LTBP1: variants seen among roughly 807,000 people sequenced by gnomAD.
LTBP1 encodes the protein latent-transforming growth factor beta-binding protein 1.
LTBP1 carries 129 observed loss-of-function variants against 207.6 expected under a neutral mutation model. That is an observed-to-expected ratio of 0.62 (90% CI 0.54 to 0.72). The LOEUF is 0.72. LTBP1 is among the 30% of genes least tolerant of loss of function. LTBP1 has a pLI of 0.00. For synonymous variants in LTBP1, 963 were observed against 833.7 expected (o/e 1.16, Z -2.67); for missense variants, 2,281 against 2,217.2 (o/e 1.03, Z -0.58).
chr2:33,225,474 G>A (rs1004268800), intron 9 of LTBP1, among the ~76,000 whole-genome samples: 1 of 152,208 alleles, frequency 6.6e-6, no homozygotes, highest in East Asian at 1.9e-4. Flanking sequence ...GGAGGATCAA[G>A]TCACATCTTA....
intron 2 of LTBP1, among the ~76,000 whole-genome samples, chr2:32,995,063 AGT>A (rs1465478185): frequency 6.6e-6 from 1 of 152,074 alleles, no homozygotes; most frequent in African/African-American, 2.4e-5. Context: ...ACGTGCCTGT[AGT>A]CTCAGCTGCT....
In LTBP1 at chr2:33,104,422, C is replaced by T. The variant is rs990937582; in HGVS notation, c.864-6160C>T. Among the ~76,000 whole-genome samples the T allele has an allele frequency of 5.9e-4, 90 of 152,296 alleles. 1 individual carries two copies. The highest frequency in any genetic ancestry group is 2.1e-3 in the African/African-American group (86 of 41,570). On this transcript the variant is annotated intron_variant, in intron 3 of 33. Transcript: ENST00000404816. ...TTGGCTCCTACCATTCCTAACACCA[C>T]GCTATTGATTTCTCTGGCCCTTGTT...
intron 2 of LTBP1, among the ~76,000 whole-genome samples, chr2:32,973,701 T>G (rs2148620127): frequency 6.6e-6 from 1 of 152,262 alleles, no homozygotes; most frequent in Admixed American, 6.5e-5. Flanking sequence ...TCTTTCTATT[T>G]TTTTTGTACC....
At chr2:33,276,012 C>T in intron 18 of LTBP1, 89 bp downstream of exon 18, 2 of 1,438,694 alleles carry the variant, frequency 1.4e-6, no homozygotes, top group Non-Finnish European at 1.8e-6. Context: ...TTCCCACACT[C>T]AGTGCGTGAC....
chr2:33,258,953 C>T (rs2092937813), intron 12 of LTBP1, among the ~76,000 whole-genome samples: 1 of 152,236 alleles, frequency 6.6e-6, no homozygotes, highest in African/African-American at 2.4e-5. Context: ...CCAACACCCT[C>T]ACAATAACGT....
intron 32 of LTBP1, 66 bp downstream of exon 32, chr2:33,389,372 A>G (rs2095295850): frequency 4.4e-6 from 7 of 1,595,052 alleles, no homozygotes; most frequent in African/African-American, 1.3e-5. Flanking sequence ...TGGTCCTCAA[A>G]ATGTAATGGC....
At chr2:33,387,898 G>A (rs1054639999) in intron 31 of LTBP1, among the ~76,000 whole-genome samples, 9 of 152,180 alleles carry the variant, frequency 5.9e-5, no homozygotes, top group Non-Finnish European at 1.3e-4. Flanking sequence ...CCATTGCCTT[G>A]TGTGACTGCC....
chr2:33,240,153 C>A (rs1489782007), intron 9 of LTBP1, among the ~76,000 whole-genome samples: 1 of 152,156 alleles, frequency 6.6e-6, no homozygotes, highest in Non-Finnish European at 1.5e-5. Flanking sequence ...TTACCATTCA[C>A]CCATCATGTT....
intron 24 of LTBP1, chr2:33,317,569 C>G (rs1415491010): frequency 6.6e-6 from 1 of 152,190 alleles, no homozygotes; most frequent in Non-Finnish European, 1.5e-5. Flanking sequence ...CTCATGTGAT[C>G]AGTATTCAGC....
intron 3 of LTBP1, among the ~76,000 whole-genome samples, chr2:33,049,345 G>T (rs2149485806): frequency 6.6e-6 from 1 of 152,362 alleles, no homozygotes; most frequent in African/African-American, 2.4e-5. Flanking sequence ...AAAAGCTTTT[G>T]AGTAGTTAGT....
In LTBP1 at chr2:33,154,639, G is replaced by A. The variant is rs202013441; in HGVS notation, c.1201+19679G>A. Among the ~76,000 whole-genome samples the A allele has an allele frequency of 2.0e-5, 3 of 152,216 alleles. No homozygotes were observed. The East Asian group carries it at 5.8e-4, about 29-fold the overall frequency. On this transcript the variant is annotated intron_variant, in intron 5 of 33. Transcript: ENST00000404816. ...CTACTTTTGCTGTTATCATCCAAGC[G>A]ACAGTGAATAATGAAAGTCTTAGTA...
chr2:33,056,282 T>G, intron 3 of LTBP1: 1 of 628,068 alleles, frequency 1.6e-6, no homozygotes, highest in East Asian at 3.3e-5. Flanking sequence ...CCTGAGTGTT[T>G]CCCATCTGAA....
intron 31 of LTBP1, among the ~76,000 whole-genome samples, chr2:33,377,584 T>C (rs1185506077): frequency 3.9e-5 from 6 of 152,362 alleles, no homozygotes; most frequent in African/African-American, 1.4e-4. Context: ...ATTATGATAA[T>C]AATCTTACTG....
intron 3 of LTBP1, among the ~76,000 whole-genome samples, chr2:33,021,902 A>G (rs1162046247): frequency 6.6e-6 from 1 of 152,216 alleles, no homozygotes; most frequent in Non-Finnish European, 1.5e-5. Context: ...ACTCAGCTGC[A>G]CCGGGTCCTT....
chr2:32,962,174 C>T (rs891199220), intron 2 of LTBP1, among the ~76,000 whole-genome samples: 2 of 152,058 alleles, frequency 1.3e-5, no homozygotes, highest in Middle Eastern at 3.2e-3. Context: ...AGTTTACCAA[C>T]AATGTCTCTG....
chr2:33,021,639 T>C (rs2075172989), intron 3 of LTBP1, among the ~76,000 whole-genome samples: 1 of 152,196 alleles, frequency 6.6e-6, no homozygotes, highest in Admixed American at 6.5e-5. Flanking sequence ...ACAGAGAAAC[T>C]ACTCAAATGA....
Position 33,241,921 on chromosome 2 carries a change from C to A in LTBP1, c.1877-1741C>A, listed in dbSNP as rs140835584. ...TAAAAGTGCATTACAGAACAACACA[C>A]ACTTCAATAAATAATGAGATGGTCA... On this transcript the variant is annotated intron_variant, in intron 9 of 33. Coordinates refer to ENST00000404816, the MANE Select transcript of LTBP1 (RefSeq NM_206943.4). 2.8e-4 allele frequency among the ~76,000 whole-genome samples: 43 copies of A among 152,286 alleles called. No homozygotes were observed. The East Asian group carries it at 5.2e-3, about 18-fold the overall frequency.
intron 26 of LTBP1, 43 bp from the exon 27 acceptor site, chr2:33,360,554 C>T: frequency 7.5e-7 from 1 of 1,328,398 alleles, no homozygotes; most frequent in Non-Finnish European, 1.1e-6. Flanking sequence ...TTAGGTAGTT[C>T]TGATGTGTCC....
chr2:33,256,468 G>C (rs2092854564), intron 11 of LTBP1, among the ~76,000 whole-genome samples: 1 of 151,546 alleles, frequency 6.6e-6, no homozygotes, highest in Non-Finnish European at 1.5e-5. Context: ...TCATTTCCCT[G>C]AATAGTGATT....
Sources: allele counts gnomAD v4.1 joint callset (sites outside exome capture counted in the v4.1 genomes callset), GRCh38; gene constraint gnomAD v4.1.1; transcripts MANE v1.5; gene names NCBI Gene and HGNC (gene_info 2026-07-23, HGNC 2026-07-21).